Variants in MGST1 observed in about 807,000 individuals in gnomAD.
MGST1 encodes the protein microsomal glutathione S-transferase 1.
Under a neutral mutation model 8.9 loss-of-function variants are expected in MGST1, and 5 were observed. The ratio of observed to expected loss-of-function variants is 0.56; its 90% CI spans 0.29 to 1.19. The LOEUF (loss-of-function observed/expected upper bound fraction) is 1.19, where lower values mean the gene tolerates loss of function less well. Among genes scored for constraint, MGST1 ranks in the 50% most tolerant of loss-of-function variants. The pLI, the probability that MGST1 is intolerant of heterozygous loss-of-function variation, is 0.08. For synonymous variants in MGST1, 54 were observed against 67.8 expected, an observed-to-expected ratio of 0.80 and a Z score of 1.00; for missense variants, 182 against 187.4, an observed-to-expected ratio of 0.97 and a Z score of 0.17.
intron 4 of MGST1, among the ~76,000 whole-genome samples, chr12:16,542,427 A>G (rs1356945856): frequency 2.6e-5 from 4 of 152,230 alleles, no homozygotes; most frequent in Non-Finnish European, 5.9e-5. Context: ...TTCACTTGAA[A>G]TATGGCATTC....
In MGST1 at chr12:16,401,212, C is replaced by T; in HGVS notation, n.778+17608C>T. 7.0e-6 allele frequency: 11 copies of T among 1,565,864 alleles called. No homozygotes were observed. The South Asian group carries it at 7.8e-5, about 11-fold the overall frequency. On this transcript the variant is annotated intron_variant and non_coding_transcript_variant, in intron 1 of 1. Transcript: ENST00000359720. The surrounding 1 kb of genome is among the most constrained non-coding windows in gnomAD (Gnocchi z 4.3). ...ATCCTCATCCATAAGCACTGTGTCA[C>T]TAAGGAACAGGGCATAGGTTTTCTC... is the stretch of plus-strand genomic sequence containing the variant.
At chr12:16,379,486 C>T (rs1417289801), downstream of MGST1, among the ~76,000 whole-genome samples, 1 of 152,160 alleles carries the variant, frequency 6.6e-6, no homozygotes, top group African/African-American at 2.4e-5. Context: ...CCTTGCATCC[C>T]AGGGATGAAG....
At chr12:16,355,541 T>C (rs911727689) in intron 2 of MGST1, among the ~76,000 whole-genome samples, 32 of 152,156 alleles carry the variant, frequency 2.1e-4, no homozygotes, top group African/African-American at 7.7e-4. Context: ...TGCATTTTAA[T>C]GGAGGGAACA....
chr12:16,535,482 G>A (rs561922089), intron 4 of MGST1, among the ~76,000 whole-genome samples: 3 of 152,156 alleles, frequency 2.0e-5, no homozygotes, highest in Admixed American at 6.5e-5. Context: ...CCAGCATGAC[G>A]GATATGGACA....
intron 4 of MGST1, among the ~76,000 whole-genome samples, chr12:16,578,117 G>A (rs1943050210): frequency 6.6e-6 from 1 of 152,074 alleles, no homozygotes; most frequent in Non-Finnish European, 1.5e-5. Context: ...CCTCCCAGAA[G>A]TCTTGCCAGG....
intron 4 of MGST1, among the ~76,000 whole-genome samples, chr12:16,536,313 C>T (rs1382730675): frequency 6.6e-6 from 1 of 152,070 alleles, no homozygotes; most frequent in Non-Finnish European, 1.5e-5. Flanking sequence ...CATTGTATTT[C>T]ATGTGGTTCA....
chr12:16,387,115 T>C (rs990518640), intron 1 of MGST1, among the ~76,000 whole-genome samples: 1 of 152,236 alleles, frequency 6.6e-6, no homozygotes, highest in African/African-American at 2.4e-5. Flanking sequence ...AATTAAACTT[T>C]ACAAACTTTA....
intron 1 of MGST1, among the ~76,000 whole-genome samples, chr12:16,424,850 C>A (rs1465084465): frequency 1.3e-5 from 2 of 152,172 alleles, no homozygotes; most frequent in African/African-American, 2.4e-5. Flanking sequence ...TGTTTTATAA[C>A]CCAGTTCATA....
intron 4 of MGST1, among the ~76,000 whole-genome samples, chr12:16,495,381 C>T (rs74507965): frequency 0.024 from 3,641 of 152,044 alleles, 148 homozygotes; most frequent in African/African-American, 0.083. Context: ...ACTCAAATGA[C>T]GGGATCATTC....
chr12:16,545,308 A>G (rs772991932), intron 4 of MGST1, among the ~76,000 whole-genome samples: 7 of 152,108 alleles, frequency 4.6e-5, no homozygotes, highest in Non-Finnish European at 8.8e-5. Context: ...GGCATTAAAC[A>G]AAGAATAAGT....
chr12:16,399,291 T>C (rs550211622), intron 1 of MGST1: 1 of 1,606,218 alleles, frequency 6.2e-7, no homozygotes, highest in African/African-American at 1.3e-5. Flanking sequence ...CCTCTTTTTC[T>C]TGGGGGGTGC....
At chr12:16,394,329 T>G (rs905860951) in intron 1 of MGST1, among the ~76,000 whole-genome samples, 2 of 152,076 alleles carry the variant, frequency 1.3e-5, no homozygotes, top group African/African-American at 4.8e-5. Flanking sequence ...TTTAGTTTGT[T>G]TGCCAATTTT....
chr12:16,389,580 T>A lies in MGST1; in HGVS notation n.778+5976T>A, dbSNP rs993203228. Among the ~76,000 whole-genome samples the A allele has an allele frequency of 1.3e-5, 2 of 152,266 alleles. No homozygotes were observed. Among genetic ancestry groups the A allele is most frequent in the Admixed American group, 1.3e-4 (2 of 15,298 alleles). On this transcript the variant is annotated intron_variant and non_coding_transcript_variant, in intron 1 of 1. Coordinates refer to the MGST1 transcript ENST00000359720. This position sits in a 1 kb window ranked among gnomAD's most constrained non-coding sequence, Gnocchi z 4.6. ...AGCCAGTAGAAAAATGGGGTTTCCCTGGATTTCCTTGGTCTGGTAGGTGCA... is the reference window on the plus strand; with the variant it reads ...AGCCAGTAGAAAAATGGGGTTTCCCAGGATTTCCTTGGTCTGGTAGGTGCA...
rs2137048118 is a variant in MGST1, at chr12:16,386,818, T to G, written n.778+3214T>G. Among the ~76,000 whole-genome samples the G allele has an allele frequency of 1.3e-5, 2 of 152,332 alleles. 1 individual carries two copies. Among genetic ancestry groups the G allele is most frequent in the South Asian group, 4.1e-4 (2 of 4,828 alleles). The stretch of plus-strand genomic sequence containing the variant: ...TCGTAAGTTTTAAATTGTGTGCCAC[T>G]CTAAGTAGAGTGATGAAATCTACTT... On this transcript the variant is annotated intron_variant and non_coding_transcript_variant, in intron 1 of 1. Transcript: ENST00000359720.
chr12:16,445,528 A>T (rs1362198967), intron 4 of MGST1, among the ~76,000 whole-genome samples: 1 of 151,954 alleles, frequency 6.6e-6, no homozygotes, highest in Non-Finnish European at 1.5e-5. Flanking sequence ...TATGAGAAAA[A>T]GTAGGAGAGT....
At chr12:16,531,399 T>C (rs577818911) in intron 4 of MGST1, among the ~76,000 whole-genome samples, 2 of 151,984 alleles carry the variant, frequency 1.3e-5, no homozygotes, top group South Asian at 4.2e-4. Flanking sequence ...CAGTGAAAAC[T>C]AAAACAAGGG....
intron 4 of MGST1, among the ~76,000 whole-genome samples, chr12:16,451,392 C>T (rs576245354): frequency 2.8e-4 from 43 of 151,848 alleles, no homozygotes; most frequent in Middle Eastern, 3.4e-3. Context: ...ATTATACACA[C>T]GCAAAGATAT....
At chr12:16,554,042 TAAG>T (rs1264828973) in intron 4 of MGST1, among the ~76,000 whole-genome samples, 2 of 152,276 alleles carry the variant, frequency 1.3e-5, no homozygotes, top group East Asian at 3.9e-4. Context: ...TGGTAAGGAA[TAAG>T]AAGATGCCCA....
At chr12:16,433,705 A>G (rs1045588449) in intron 1 of MGST1, among the ~76,000 whole-genome samples, 5 of 152,106 alleles carry the variant, frequency 3.3e-5, no homozygotes, top group Non-Finnish European at 5.9e-5. Flanking sequence ...TTTACCAAAT[A>G]TCTGGGCATC....
Sources: allele counts gnomAD v4.1 joint callset (sites outside exome capture counted in the v4.1 genomes callset), GRCh38; gene constraint gnomAD v4.1.1; non-coding constraint Gnocchi (gnomAD v3.1); transcripts MANE v1.5; gene names NCBI Gene and HGNC (gene_info 2026-07-23, HGNC 2026-07-21).